UBE4B: variants seen among roughly 807,000 people sequenced by gnomAD.
The protein encoded by UBE4B is ubiquitin conjugation factor E4 B.
A neutral mutation model predicts 148.1 loss-of-function variants in UBE4B; 27 were observed. That is an observed-to-expected ratio of 0.18 (90% CI 0.13 to 0.25). The LOEUF (loss-of-function observed/expected upper bound fraction) is 0.25. UBE4B is among the 10% of genes least tolerant of loss of function. The pLI, the probability that UBE4B is intolerant of heterozygous loss-of-function variation, is 1.00. For synonymous variants in UBE4B, 596 were observed against 619.3 expected, an observed-to-expected ratio of 0.96 and a Z score of 0.56; for missense variants, 1,170 against 1,662.4, an observed-to-expected ratio of 0.70 and a Z score of 5.15.
chr1:10,047,217 C>T lies in UBE4B; in HGVS notation c.24+13523C>T, dbSNP rs891763888. Among the ~76,000 whole-genome samples the T allele has an allele frequency of 4.6e-5, 7 of 152,060 alleles. No individual in the cohort carries two copies. The South Asian group carries it at 1.0e-3, about 22-fold the overall frequency. On this transcript the variant is annotated intron_variant, in intron 1 of 27. Coordinates refer to ENST00000343090, the MANE Select transcript of UBE4B (RefSeq NM_001105562.3). ...TTGATTTGACTGCTGTGGCAGAGGT[C>T]GGAAATAATAATGGCTTGAACAAGA...
At position 10,137,930 on chromosome 1, in the gene UBE4B, T is replaced by C. The variant is rs1020125276; in HGVS notation, c.2363+725T>C. On this transcript the variant is annotated intron_variant, in intron 17 of 27. Transcript: ENST00000343090. ...AAATCACTTACTAATTCTTTTTTTT[T>C]TTTTTTTTTTTTTTTTTTTTTTGAG... is the stretch of plus-strand genomic sequence containing the variant. Among the ~76,000 whole-genome samples, 224 of 118,006 alleles carry C rather than the reference T, an allele frequency of 1.9e-3. 2 individuals carry two copies. The highest frequency in any genetic ancestry group is 2.4e-3 in the Non-Finnish European group (134 of 55,032). The allele number at this position is 118,006 out of a possible 152,430, so 77.4% of individuals were successfully genotyped here. A position where few individuals can be genotyped will look rare whatever the true frequency, so the allele number is the denominator to read the frequency against.
intron 7 of UBE4B, among the ~76,000 whole-genome samples, chr1:10,109,530 T>C (rs528670742): frequency 1.3e-5 from 2 of 152,216 alleles, no homozygotes; most frequent in African/African-American, 4.8e-5. Flanking sequence ...AGGTTCTTAG[T>C]TGATATAAAA....
chr1:10,156,657 C>T (rs531650728), intron 21 of UBE4B, among the ~76,000 whole-genome samples: 23 of 152,252 alleles, frequency 1.5e-4, no homozygotes, highest in Admixed American at 2.6e-4. Context: ...GTATCTTCCT[C>T]TTGTAGGCTA....
chr1:10,141,532 G>T lies in UBE4B; in HGVS notation c.2364-3408G>T, dbSNP rs546015946. Among the ~76,000 whole-genome samples, 4 of 152,324 alleles carry T rather than the reference G, an allele frequency of 2.6e-5. No homozygotes were observed. The East Asian group carries it at 7.7e-4, about 29-fold the overall frequency. On this transcript the variant is annotated intron_variant, in intron 17 of 27. Coordinates refer to ENST00000343090, the MANE Select transcript of UBE4B (RefSeq NM_001105562.3). ...TAAGACTATAATTGTGTGGTTTGGA[G>T]CCACTGAGGTTGTGGTAACTTGTTA...
chr1:10,125,454 TG>T (rs1240632069), intron 10 of UBE4B, among the ~76,000 whole-genome samples: 1 of 152,242 alleles, frequency 6.6e-6, no homozygotes, highest in South Asian at 2.1e-4. Flanking sequence ...CTTCCAGAGC[TG>T]TATTGATATC....
chr1:10,100,335 G>T (rs1644990233), intron 3 of UBE4B, among the ~76,000 whole-genome samples: 1 of 151,838 alleles, frequency 6.6e-6, no homozygotes, highest in African/African-American at 2.4e-5. Context: ...ATTTTTTTTA[G>T]AGCCAGAGTC....
intron 25 of UBE4B, among the ~76,000 whole-genome samples, chr1:10,178,393 G>A (rs1646458549): frequency 6.6e-6 from 1 of 152,006 alleles, no homozygotes; most frequent in Admixed American, 6.6e-5. Context: ...CTCTCCAGAG[G>A]GAGTGACCTC....
intron 12 of UBE4B, among the ~76,000 whole-genome samples, chr1:10,130,240 A>G (rs905643339): frequency 1.3e-5 from 2 of 151,230 alleles, no homozygotes; most frequent in Admixed American, 6.6e-5. Flanking sequence ...ACGCCCGGCT[A>G]ATTTTTGTAT....
intron 1 of UBE4B, among the ~76,000 whole-genome samples, chr1:10,067,018 A>C (rs538092794): frequency 6.6e-6 from 1 of 152,258 alleles, no homozygotes; most frequent in South Asian, 2.1e-4. Context: ...TTTTTTTTAA[A>C]GTAGAAAAGT....
At position 10,161,437 on chromosome 1, in the gene UBE4B, G is replaced by A; in HGVS notation, c.3198+151G>A. ...TCCATGAAATCATATTGCAGGATTG[G>A]AATAGGAAAATTCTTAAATACCTTA... On this transcript the variant is annotated intron_variant, in intron 23 of 27. Coordinates refer to ENST00000343090, the MANE Select transcript of UBE4B (RefSeq NM_001105562.3). This position sits in a 1 kb window ranked among gnomAD's most constrained non-coding sequence, Gnocchi z 4.1. 1.0e-6 allele frequency: 1 copy of A among 970,686 alleles called. No individual in the cohort carries two copies. The highest frequency in any genetic ancestry group is 1.5e-6 in the Non-Finnish European group (1 of 687,426). The allele number at this position is 970,686 out of a possible 1,614,324, so 60.1% of individuals were successfully genotyped here.
At chr1:10,145,794 T>C (rs1645861454) in intron 18 of UBE4B, among the ~76,000 whole-genome samples, 1 of 152,234 alleles carries the variant, frequency 6.6e-6, no homozygotes, top group Non-Finnish European at 1.5e-5. Context: ...TCTTTCTTTT[T>C]AATTGAAATT....
In UBE4B at chr1:10,161,383, T is replaced by G. The variant is rs1646157295; in HGVS notation, c.3198+97T>G. On this transcript the variant is annotated intron_variant, in intron 23 of 27. Transcript: ENST00000343090. This position sits in a 1 kb window ranked among gnomAD's most constrained non-coding sequence, Gnocchi z 4.1. The stretch of plus-strand genomic sequence containing the variant: ...GGGGCTGCATTTGTGGGTCTGATGA[T>G]ATGCGATCTGACATGCTGGGATTTT... 4 of 1,391,342 alleles carry G rather than the reference T, an allele frequency of 2.9e-6. No homozygotes were observed. The South Asian group carries it at 5.8e-5, about 20-fold the overall frequency. The allele number at this position is 1,391,342 out of a possible 1,614,324, so 86.2% of individuals were successfully genotyped here. A position where few individuals can be genotyped will look rare whatever the true frequency, so the allele number is the denominator to read the frequency against.
intron 3 of UBE4B, among the ~76,000 whole-genome samples, chr1:10,097,038 C>CAAAAAAA (rs1175237804): frequency 7.1e-6 from 1 of 141,072 alleles, no homozygotes; most frequent in African/African-American, 2.7e-5. Context: ...GACTCTGCAT[C>CAAAAAAA]AAAAAAAAAA....
At position 10,108,101 on chromosome 1, in the gene UBE4B, A is replaced by C. The variant is rs1645147226; in HGVS notation, c.1196+1518A>C. The stretch of plus-strand genomic sequence containing the variant: ...ATGTTTTCTTAAGTACAGTTGCATG[A>C]ATTGCTGCTATTTAGTAACGGGAGA... On this transcript the variant is annotated intron_variant, in intron 7 of 27. Coordinates refer to ENST00000343090, the MANE Select transcript of UBE4B (RefSeq NM_001105562.3). 2.0e-5 allele frequency among the ~76,000 whole-genome samples: 3 copies of C among 152,020 alleles called. No individual in the cohort carries two copies. The South Asian group carries it at 6.3e-4, about 32-fold the overall frequency.
At chr1:10,140,431 C>T (rs1183306115) in intron 17 of UBE4B, among the ~76,000 whole-genome samples, 1 of 152,074 alleles carries the variant, frequency 6.6e-6, no homozygotes, top group Non-Finnish European at 1.5e-5. Flanking sequence ...TACAGTGTTC[C>T]ACATATATTA....
intron 26 of UBE4B, 38 bp from the exon 27 acceptor site, chr1:10,179,378 C>T: frequency 6.2e-7 from 1 of 1,604,684 alleles, no homozygotes; most frequent in Non-Finnish European, 8.5e-7. Flanking sequence ...GTCGTGGGCT[C>T]TCAGTAGATT....
At chr1:10,154,842 CAAA>C (rs756146634) in intron 21 of UBE4B, among the ~76,000 whole-genome samples, 2 of 107,992 alleles carry the variant, frequency 1.9e-5, no homozygotes, top group Admixed American at 9.4e-5. Context: ...ATCTCCATCT[CAAA>C]AAAAAAAAAA....
At chr1:10,126,302 T>TATAG (rs71583842) in intron 10 of UBE4B, among the ~76,000 whole-genome samples, 25,501 of 147,254 alleles carry the variant, frequency 0.17, 2,298 homozygotes, top group Non-Finnish European at 0.2. Flanking sequence ...TCCGTCTCAA[T>TATAG]ATAGATAGAT....
intron 1 of UBE4B, among the ~76,000 whole-genome samples, chr1:10,053,527 C>T (rs549027849): frequency 2.6e-4 from 40 of 151,932 alleles, no homozygotes; most frequent in African/African-American, 9.2e-4. Context: ...CAATCAAGTT[C>T]TGGGGTATAT....
Sources: allele counts gnomAD v4.1 joint callset (sites outside exome capture counted in the v4.1 genomes callset), GRCh38; gene constraint gnomAD v4.1.1; non-coding constraint Gnocchi (gnomAD v3.1); transcripts MANE v1.5; gene names NCBI Gene and HGNC (gene_info 2026-07-23, HGNC 2026-07-21).